The following SOX5 variants were observed in gnomAD, a reference collection of about 807,000 sequenced individuals.
The protein encoded by SOX5 is transcription factor SOX-5.
In SOX5, 9 loss-of-function variants were observed where a neutral mutation model predicts 92.0. That is an observed-to-expected ratio of 0.10 (90% CI 0.06 to 0.17). The LOEUF is 0.17. Ranked by LOEUF, SOX5 falls within the 10% of genes least tolerant of loss-of-function variation. SOX5 has a pLI of 1.00. For synonymous variants in SOX5, 344 were observed against 336.3 expected, an observed-to-expected ratio of 1.02 and a Z score of -0.25; for missense variants, 642 against 944.5, an observed-to-expected ratio of 0.68 and a Z score of 4.20.
chr12:23,540,957 T>C (rs1941910039), intron 13 of SOX5, among the ~76,000 whole-genome samples: 1 of 151,416 alleles, frequency 6.6e-6, no homozygotes, highest in Non-Finnish European at 1.5e-5. Flanking sequence ...TTGTGGATAT[T>C]TGAAGATCAC....
chr12:24,360,385 A>C (rs552413185), intron 2 of SOX5, among the ~76,000 whole-genome samples: 31 of 152,316 alleles, frequency 2.0e-4, no homozygotes, highest in African/African-American at 7.2e-4. Flanking sequence ...TTTGATGAAT[A>C]GTCCTTATGT....
chr12:24,365,654 T>C (rs971047801), intron 2 of SOX5, among the ~76,000 whole-genome samples: 2 of 112,782 alleles, frequency 1.8e-5, no homozygotes, highest in Non-Finnish European at 4.0e-5. Context: ...AAAATGATTT[T>C]CTTTACAAAT....
chr12:23,822,013 T>C (rs559177522), intron 3 of SOX5, among the ~76,000 whole-genome samples: 22 of 152,278 alleles, frequency 1.4e-4, no homozygotes, highest in African/African-American at 5.1e-4. Flanking sequence ...TTGATTCTTC[T>C]CTCTTTTCTT....
At chr12:23,879,144 A>G (rs2096960186) in intron 2 of SOX5, among the ~76,000 whole-genome samples, 1 of 152,182 alleles carries the variant, frequency 6.6e-6, no homozygotes, top group Admixed American at 6.6e-5. Flanking sequence ...TTAAACAAAT[A>G]GGAATTTGAA....
At chr12:24,328,577 A>C (rs892082526) in intron 2 of SOX5, among the ~76,000 whole-genome samples, 1 of 152,142 alleles carries the variant, frequency 6.6e-6, no homozygotes, top group Non-Finnish European at 1.5e-5. Flanking sequence ...ACCTCCACAC[A>C]TCTCCCTGTA....
intron 4 of SOX5, among the ~76,000 whole-genome samples, chr12:24,114,573 CAAAAAAAAAAAAAAAA>C (rs55913110): frequency 7.4e-5 from 3 of 40,592 alleles, no homozygotes; most frequent in Non-Finnish European, 1.2e-4. Flanking sequence ...CACCCCGTCA[CAAAAAAAAAAAAAAAA>C]AAAAAAAAAA....
intron 6 of SOX5, among the ~76,000 whole-genome samples, chr12:23,688,196 T>A (rs1449969911): frequency 6.6e-6 from 1 of 152,076 alleles, no homozygotes; most frequent in Non-Finnish European, 1.5e-5. Context: ...AATACAATGA[T>A]ATAGTTCTCA....
At chr12:24,169,451 T>A (rs978381768) in intron 4 of SOX5, among the ~76,000 whole-genome samples, 1 of 152,198 alleles carries the variant, frequency 6.6e-6, no homozygotes, top group African/African-American at 2.4e-5. Flanking sequence ...TCCAAATCAG[T>A]TCCTCAGAGA....
intron 8 of SOX5, among the ~76,000 whole-genome samples, chr12:23,625,640 C>T (rs765506001): frequency 2.6e-5 from 4 of 152,160 alleles, no homozygotes; most frequent in Admixed American, 1.3e-4. Flanking sequence ...GACTAAGTCT[C>T]GCTCCGTTGC....
chr12:24,096,477 C>G (rs1945428572), intron 4 of SOX5, among the ~76,000 whole-genome samples: 1 of 152,094 alleles, frequency 6.6e-6, no homozygotes, highest in South Asian at 2.1e-4. Flanking sequence ...TCCCTGAGCC[C>G]AAAAACCACC....
intron 2 of SOX5, among the ~76,000 whole-genome samples, chr12:24,323,398 C>A (rs1950388048): frequency 6.6e-6 from 1 of 151,438 alleles, no homozygotes; most frequent in South Asian, 2.1e-4. Context: ...ATTCAAAATT[C>A]TAGACACAAG....
chr12:23,792,441 G>A (rs1326555692), intron 3 of SOX5, among the ~76,000 whole-genome samples: 1 of 151,510 alleles, frequency 6.6e-6, no homozygotes, highest in African/African-American at 2.4e-5. Flanking sequence ...TGGCCAACAT[G>A]GTGAAACACC....
chr12:24,091,903 G>A (rs1376815151), intron 4 of SOX5, among the ~76,000 whole-genome samples: 1 of 151,924 alleles, frequency 6.6e-6, no homozygotes, highest in Non-Finnish European at 1.5e-5. Context: ...AGTTCCCCCA[G>A]GATACCTTAC....
At chr12:24,127,469 GCTATCAGGTCA>G (rs1353890236) in intron 4 of SOX5, among the ~76,000 whole-genome samples, 1 of 151,640 alleles carries the variant, frequency 6.6e-6, no homozygotes, top group African/African-American at 2.4e-5. Flanking sequence ...TCTTATTAAT[GCTATCAGGTCA>G]CTACTGCAAT....
chr12:24,147,667 C>G (rs546748198), intron 4 of SOX5, among the ~76,000 whole-genome samples: 1 of 152,288 alleles, frequency 6.6e-6, no homozygotes, highest in African/African-American at 2.4e-5. Context: ...CCCAGAAAAT[C>G]TGACTGAATT....
chr12:23,746,213 A>C (rs1005861701), intron 4 of SOX5, among the ~76,000 whole-genome samples: 8 of 152,166 alleles, frequency 5.3e-5, no homozygotes, highest in Admixed American at 2.0e-4. Context: ...GTCTGTGAAC[A>C]GCGGAGAAAG....
Position 23,546,428 on chromosome 12 carries a change from TA to T in SOX5, c.1489-5del. 4 of 1,518,250 alleles carry T rather than the reference TA, an allele frequency of 2.6e-6. No homozygotes were observed. Among genetic ancestry groups the T allele is most frequent in the Non-Finnish European group, 3.6e-6 (4 of 1,099,144 alleles). The allele number at this position is 1,518,250 out of a possible 1,614,324, so 94.0% of individuals were successfully genotyped here. The stretch of plus-strand genomic sequence containing the variant: ...GACTCTCCAGTGTTGTTTTTTCCTT[TA>T]AAAAAATTATAATGAGAGATCAGTC... On this transcript the variant is annotated splice_region_variant and splice_polypyrimidine_tract_variant and intron_variant, in intron 11 of 14. Coordinates refer to ENST00000451604, the MANE Select transcript of SOX5 (RefSeq NM_006940.6).
intron 4 of SOX5, among the ~76,000 whole-genome samples, chr12:24,202,765 T>C (rs1957646994): frequency 6.6e-6 from 1 of 152,180 alleles, no homozygotes; most frequent in African/African-American, 2.4e-5. Flanking sequence ...ATGACAGAAA[T>C]TACTTTTTGT....
intron 4 of SOX5, among the ~76,000 whole-genome samples, chr12:24,036,845 T>C (rs1372529479): frequency 1.3e-5 from 2 of 152,214 alleles, no homozygotes; most frequent in African/African-American, 2.4e-5. Context: ...GGTAAACATA[T>C]ATAATAGGAT....
Sources: gnomAD v4.1 joint callset for allele counts (sites outside exome capture counted in the v4.1 genomes callset) on GRCh38, gnomAD v4.1.1 for gene constraint, MANE v1.5 for transcripts, NCBI Gene and HGNC (gene_info 2026-07-23, HGNC 2026-07-21) for gene names.